Variants in CDKN2B-AS1 observed in about 807,000 individuals in gnomAD.
CDKN2B-AS1 encodes CDKN2B antisense RNA 1 (non-protein coding).
chr9:22,026,033 C>T (rs985106960), intron 1 of CDKN2B-AS1, among the ~76,000 whole-genome samples: 1 of 151,366 alleles, frequency 6.6e-6, no homozygotes, highest in African/African-American at 2.4e-5. Context: ...TTGGGGTAGC[C>T]GGGGACCCCA....
intron 4 of CDKN2B-AS1, among the ~76,000 whole-genome samples, chr9:22,121,275 T>C (rs1025958550): frequency 6.6e-6 from 1 of 151,884 alleles, no homozygotes; most frequent in Non-Finnish European, 1.5e-5. Flanking sequence ...GGGTGATGGG[T>C]AGATGGGTAG....
At chr9:22,113,584 T>C (rs572581926) in intron 4 of CDKN2B-AS1, 1 of 152,312 alleles carries the variant, frequency 6.6e-6, no homozygotes, top group East Asian at 1.9e-4. Flanking sequence ...GACTCTAGTA[T>C]ATATTTGCTA....
At chr9:22,122,674 C>A (rs1826125688) in intron 4 of CDKN2B-AS1, among the ~76,000 whole-genome samples, 1 of 152,026 alleles carries the variant, frequency 6.6e-6, no homozygotes, top group Non-Finnish European at 1.5e-5. Context: ...ACTGAGTGTT[C>A]TTGATATCTT....
At chr9:22,055,424 A>G (rs1823519768) in intron 3 of CDKN2B-AS1, among the ~76,000 whole-genome samples, 1 of 152,138 alleles carries the variant, frequency 6.6e-6, no homozygotes. Flanking sequence ...GCAACTTGCC[A>G]TTTTCTTAAT....
intron 1 of CDKN2B-AS1, among the ~76,000 whole-genome samples, chr9:22,028,444 T>A (rs1043208841): frequency 6.6e-6 from 1 of 152,134 alleles, no homozygotes; most frequent in African/African-American, 2.4e-5. Flanking sequence ...TAGCTAATAC[T>A]AGCTAGGGTT....
chr9:22,101,201 A>G (rs1825472255), intron 4 of CDKN2B-AS1, among the ~76,000 whole-genome samples: 1 of 152,204 alleles, frequency 6.6e-6, no homozygotes, highest in South Asian at 2.1e-4. Flanking sequence ...ACAAGTATCA[A>G]TTATAAATAT....
intron 1 of CDKN2B-AS1, among the ~76,000 whole-genome samples, chr9:22,013,713 A>G (rs1821614554): frequency 6.6e-6 from 1 of 152,084 alleles, no homozygotes; most frequent in South Asian, 2.1e-4. Flanking sequence ...TCGGCCCCCC[A>G]AAGTGCTGGA....
chr9:22,018,891 T>C (rs774406699), intron 1 of CDKN2B-AS1, among the ~76,000 whole-genome samples: 2 of 152,212 alleles, frequency 1.3e-5, no homozygotes, highest in Non-Finnish European at 2.9e-5. Flanking sequence ...CAGAGAGTAT[T>C]AATTTCAAAA....
intron 4 of CDKN2B-AS1, among the ~76,000 whole-genome samples, chr9:22,102,985 T>C (rs920226383): frequency 4.6e-5 from 7 of 152,092 alleles, no homozygotes; most frequent in African/African-American, 7.2e-5. Flanking sequence ...GAGGCTTCAG[T>C]TGGGCCAGTC....
chr9:22,035,078 G>C (rs548428174), intron 1 of CDKN2B-AS1, among the ~76,000 whole-genome samples: 1 of 152,062 alleles, frequency 6.6e-6, no homozygotes, highest in South Asian at 2.1e-4. Flanking sequence ...CAAAATATCT[G>C]GCATCTAATA....
intron 4 of CDKN2B-AS1, among the ~76,000 whole-genome samples, chr9:22,104,677 T>C (rs1587538228): frequency 6.6e-6 from 1 of 152,338 alleles, no homozygotes; most frequent in Middle Eastern, 3.4e-3. Flanking sequence ...TATTCATCCA[T>C]TTACCATTTG....
rs1019770254 is a variant in CDKN2B-AS1 at position 22,005,089 on chromosome 9, T to G, written n.29+9928T>G. 2.2e-5 allele frequency: 5 copies of G among 231,374 alleles called. No homozygotes were observed. The highest frequency in any genetic ancestry group is 1.1e-4 in the African/African-American group (5 of 44,630). The allele number at this position is 231,374 out of a possible 1,614,324, so 14.3% of individuals were successfully genotyped here. ...CACAAAATCAAAAAGTAGCAAGTCA[T>G]AAGGGGATTTCCGCATCCTAGCATG... is the stretch of plus-strand genomic sequence containing the variant. On this transcript the variant is annotated intron_variant and non_coding_transcript_variant, in intron 1 of 4. Coordinates refer to ENST00000650946, the Ensembl canonical transcript of CDKN2B-AS1. The surrounding 1 kb of genome is among the most constrained non-coding windows in gnomAD (Gnocchi z 4.9).
At chr9:22,077,831 C>T (rs1374305327) in intron 4 of CDKN2B-AS1, 1 of 152,144 alleles carries the variant, frequency 6.6e-6, no homozygotes, top group Non-Finnish European at 1.5e-5. Flanking sequence ...ATACCTGCTT[C>T]TCTATCTTGT....
intron 4 of CDKN2B-AS1, among the ~76,000 whole-genome samples, chr9:22,086,103 C>T (rs934504109): frequency 1.3e-5 from 2 of 152,056 alleles, no homozygotes; most frequent in African/African-American, 4.8e-5. Context: ...CCTACTCTAT[C>T]CCTTAATTCA....
At chr9:22,044,757 C>A (rs1320206802) in intron 1 of CDKN2B-AS1, among the ~76,000 whole-genome samples, 1 of 151,594 alleles carries the variant, frequency 6.6e-6, no homozygotes, top group Non-Finnish European at 1.5e-5. Context: ...GGTATCTGGA[C>A]TTCTTTTTCT....
intron 4 of CDKN2B-AS1, among the ~76,000 whole-genome samples, chr9:22,101,247 C>A (rs1300427988): frequency 6.6e-6 from 1 of 151,988 alleles, no homozygotes; most frequent in Non-Finnish European, 1.5e-5. Flanking sequence ...CAGACTCAAC[C>A]AAGAGTTATA....
intron 4 of CDKN2B-AS1, chr9:22,119,891 C>T (rs1431000615): frequency 6.6e-6 from 1 of 152,204 alleles, no homozygotes; most frequent in African/African-American, 2.4e-5. Flanking sequence ...CAATAACCAA[C>T]ATCCCAAACC....
chr9:22,054,708 T>A (rs953839472), intron 3 of CDKN2B-AS1, among the ~76,000 whole-genome samples: 7 of 150,402 alleles, frequency 4.7e-5, no homozygotes, highest in Non-Finnish European at 7.4e-5. Flanking sequence ...TTTATTTTTT[T>A]AAATTTTTAT....
intron 4 of CDKN2B-AS1, among the ~76,000 whole-genome samples, chr9:22,106,315 T>A (rs1188947319): frequency 1.3e-5 from 2 of 152,060 alleles, no homozygotes; most frequent in Non-Finnish European, 2.9e-5. Context: ...ACTCTTGACC[T>A]CATGATCCGC....
Sources: allele counts gnomAD v4.1 joint callset (sites outside exome capture counted in the v4.1 genomes callset), GRCh38; gene constraint gnomAD v4.1.1; non-coding constraint Gnocchi (gnomAD v3.1); transcripts MANE v1.5; gene names NCBI Gene and HGNC (gene_info 2026-07-23, HGNC 2026-07-21).